Variants in TLN2 observed in about 807,000 individuals in gnomAD.
TLN2 encodes the protein talin-2.
In TLN2, 118 loss-of-function variants were observed where a neutral mutation model predicts 294.7. The observed-to-expected ratio is 0.40, with a 90% confidence interval of 0.34 to 0.47. The LOEUF (loss-of-function observed/expected upper bound fraction) is 0.47, where lower values mean the gene tolerates loss of function less well. Among genes scored for constraint, TLN2 ranks in the 20% least tolerant of loss-of-function variants. The probability of loss-of-function intolerance (pLI) is 0.84; values close to 1 mark genes in which losing one functional copy is unlikely to be tolerated. For missense variants in TLN2, 3,083 were observed against 3,282.2 expected (o/e 0.94, Z 1.48); for synonymous variants, 1,431 against 1,304.5 (o/e 1.10, Z -2.09).
intron 50 of TLN2, among the ~76,000 whole-genome samples, chr15:62,803,805 T>C (rs572920432): frequency 6.6e-6 from 1 of 152,294 alleles, no homozygotes; most frequent in South Asian, 2.1e-4. Flanking sequence ...TGGTAACTTA[T>C]TTAGTTGGTT....
At position 62,405,245 on chromosome 15, in the gene TLN2, C is replaced by T. The variant is rs572694517; in HGVS notation, c.-238+14560C>T. On this transcript the variant is annotated intron_variant, in intron 1 of 58. Coordinates refer to ENST00000636159, the MANE Select transcript of TLN2 (RefSeq NM_015059.3). ...GGAAGCTTATTAAAACTGCTAGTTC[C>T]GAAACCCCACCTGACTCACTAAACT... Among the ~76,000 whole-genome samples the T allele has an allele frequency of 3.5e-4, 53 of 152,216 alleles. 1 individual carries two copies. The South Asian group carries it at 7.7e-3, about 22-fold the overall frequency.
At position 62,414,188 on chromosome 15, in the gene TLN2, A is replaced by ATC. The variant is rs1280039428; in HGVS notation, c.-238+23504_-238+23505insCT. On this transcript the variant is annotated intron_variant, in intron 1 of 58. Transcript: ENST00000636159. ...ACTATATATATATATATATATATATATATAATTTGAGAAATTAAATCCTTT... is the reference window on the plus strand; with the variant it reads ...ACTATATATATATATATATATATATATCTATAATTTGAGAAATTAAATCCTTT... Among the ~76,000 whole-genome samples, 5 of 126,496 alleles carry ATC rather than the reference A, an allele frequency of 4.0e-5. 1 individual carries two copies. The highest frequency in any genetic ancestry group is 4.9e-5 in the Non-Finnish European group (3 of 61,538). The allele number at this position is 126,496 out of a possible 152,430, so 83.0% of individuals were successfully genotyped here. A position where few individuals can be genotyped will look rare whatever the true frequency, so the allele number is the denominator to read the frequency against.
At chr15:62,546,114 A>C (rs1033671118) in intron 1 of TLN2, among the ~76,000 whole-genome samples, 2 of 152,188 alleles carry the variant, frequency 1.3e-5, no homozygotes, top group African/African-American at 4.8e-5. Context: ...GCTTTGACAC[A>C]GTGAGGCTGG....
chr15:62,568,507 T>C (rs2043599500), intron 1 of TLN2, among the ~76,000 whole-genome samples: 1 of 152,200 alleles, frequency 6.6e-6, no homozygotes, highest in African/African-American at 2.4e-5. Context: ...TCACAAGTAG[T>C]CCTCTTCAGA....
intron 9 of TLN2, among the ~76,000 whole-genome samples, chr15:62,669,184 A>T (rs1344980249): frequency 4.6e-5 from 7 of 152,204 alleles, no homozygotes; most frequent in Non-Finnish European, 1.0e-4. Flanking sequence ...GTCATTTGAT[A>T]CATTTTACAA....
chr15:62,670,234 CA>C (rs1437089435), intron 9 of TLN2, among the ~76,000 whole-genome samples: 12 of 152,316 alleles, frequency 7.9e-5, no homozygotes, highest in African/African-American at 2.9e-4. Context: ...TAGAGGCTGG[CA>C]GCAACGGTTC....
chr15:62,656,382 G>A (rs968706504), intron 8 of TLN2, among the ~76,000 whole-genome samples: 4 of 152,124 alleles, frequency 2.6e-5, no homozygotes, highest in African/African-American at 9.7e-5. Flanking sequence ...CACTTAACTG[G>A]CTCACCATTT....
intron 1 of TLN2, among the ~76,000 whole-genome samples, chr15:62,459,834 GAGCCAAAGCTT>G (rs2036692624): frequency 1.3e-5 from 2 of 151,996 alleles, no homozygotes; most frequent in South Asian, 4.1e-4. Flanking sequence ...GCTTTGGGGT[GAGCCAAAGCTT>G]AGCCAAAGCG....
intron 1 of TLN2, among the ~76,000 whole-genome samples, chr15:62,402,306 G>A (rs528647461): frequency 1.8e-4 from 27 of 152,122 alleles, no homozygotes; most frequent in African/African-American, 5.3e-4. Context: ...ACTGATAACC[G>A]CACCTCCAGC....
intron 1 of TLN2, among the ~76,000 whole-genome samples, chr15:62,468,951 C>G (rs953357560): frequency 1.3e-5 from 2 of 152,122 alleles, no homozygotes; most frequent in Non-Finnish European, 2.9e-5. Context: ...ACAGCAATTG[C>G]CCAGAAAACG....
chr15:62,589,757 T>C lies in TLN2; in HGVS notation c.-167T>C, dbSNP rs1001563400. The C allele has an allele frequency of 3.3e-5, 5 of 152,228 alleles. No individual in the cohort carries two copies. The highest frequency in any genetic ancestry group is 1.2e-4 in the African/African-American group (5 of 41,462). 9.4% of individuals were successfully genotyped at this position (152,228 alleles called of 1,614,324 possible). A position where few individuals can be genotyped will look rare whatever the true frequency, so the allele number is the denominator to read the frequency against. On this transcript the variant is annotated 5_prime_UTR_variant, in exon 2 of 59. Coordinates refer to ENST00000636159, the MANE Select transcript of TLN2 (RefSeq NM_015059.3). ...ATACGCTCTTAATAGAAACTGAGAA[T>C]TTAAGGTAAGTCCTTTCGCAAAGAT...
Position 62,400,880 on chromosome 15 carries a change from A to G in TLN2, c.-238+10195A>G, listed in dbSNP as rs530741359. The stretch of plus-strand genomic sequence containing the variant: ...ACCCAGGCTGGAGTGCAGTGGTGCA[A>G]TCTGGGCTCACTGCAGCCTCTGCTT... On this transcript the variant is annotated intron_variant, in intron 1 of 58. Coordinates refer to ENST00000636159, the MANE Select transcript of TLN2 (RefSeq NM_015059.3). Among the ~76,000 whole-genome samples the G allele has an allele frequency of 2.6e-4, 39 of 148,782 alleles. No individual in the cohort carries two copies. The South Asian group carries it at 3.9e-3, about 15-fold the overall frequency.
intron 1 of TLN2, among the ~76,000 whole-genome samples, chr15:62,562,937 C>CACAG (rs1218187009): frequency 2.7e-5 from 4 of 148,614 alleles, no homozygotes; most frequent in African/African-American, 9.9e-5. Context: ...CACACACACA[C>CACAG]ACACACACAC....
chr15:62,716,441 A>T lies in TLN2; in HGVS notation c.2745A>T (p.Lys915Asn). 5 of 1,605,790 alleles carry T rather than the reference A, an allele frequency of 3.1e-6. No homozygotes were observed. Among genetic ancestry groups the T allele is most frequent in the Non-Finnish European group, 4.2e-6 (5 of 1,176,516 alleles). Residue 915 changes from lysine to asparagine, a missense_variant, in exon 23 of 59, where the codon AAA becomes AAT. Transcript: ENST00000636159. Reference protein sequence around the residue: ...NAAAQNAIKKKIVNRLEVAAK... With the variant: ...NAAAQNAIKKNIVNRLEVAAK... ...CTGCCCAGAATGCTATTAAGAAAAA[A>T]ATTGTCAACCGACTGGAGGTAAGGA...
intron 11 of TLN2, 133 bp from the exon 12 acceptor site, chr15:62,686,508 C>G (rs1268192202): frequency 1.2e-5 from 12 of 1,022,958 alleles, no homozygotes; most frequent in East Asian, 2.6e-5. Flanking sequence ...GCCTCAAAAT[C>G]TTGGTTTCCC....
At position 62,763,553 on chromosome 15, in the gene TLN2, T is replaced by C. The variant is rs777262965; in HGVS notation, c.4962-10T>C. 6.2e-7 allele frequency: 1 copy of C among 1,601,620 alleles called. No homozygotes were observed. Among genetic ancestry groups the C allele is most frequent in the Non-Finnish European group, 8.5e-7 (1 of 1,171,046 alleles). On this transcript the variant is annotated splice_polypyrimidine_tract_variant and intron_variant, in intron 39 of 58. Coordinates refer to ENST00000636159, the MANE Select transcript of TLN2 (RefSeq NM_015059.3). ...TGGAGCCTGTGTCCAACTTGCACTA[T>C]TCCTTCCAGGGACAAGGCCCCTGGA...
chr15:62,816,124 C>T (rs2067095930), intron 52 of TLN2, among the ~76,000 whole-genome samples: 1 of 152,228 alleles, frequency 6.6e-6, no homozygotes, highest in Non-Finnish European at 1.5e-5. Flanking sequence ...AAAACCCCCG[C>T]CTGGGGAATC....
chr15:62,623,188 C>G (rs1052670093), intron 3 of TLN2, among the ~76,000 whole-genome samples: 6 of 152,160 alleles, frequency 3.9e-5, no homozygotes, highest in Non-Finnish European at 5.9e-5. Flanking sequence ...TTACTGTATC[C>G]GTATAAACAA....
chr15:62,657,827 G>A lies in TLN2; in HGVS notation c.717G>A (p.Glu239=). The change falls in exon 9 of 59, where the codon GAG becomes GAA. Residue 239 remains glutamate, a synonymous_variant. Coordinates refer to ENST00000636159, the MANE Select transcript of TLN2 (RefSeq NM_015059.3). ...CTGTCTCCTTCGAGAAAGCTTGTGAGTTTGGTGGATTTCAAGCCCAGATAC... is the reference window on the plus strand; with the variant it reads ...CTGTCTCCTTCGAGAAAGCTTGTGAATTTGGTGGATTTCAAGCCCAGATAC... ...SHPVSFEKAC[E]FGGFQAQIQF... is the part of the protein sequence containing the mutation. 1.2e-6 allele frequency: 2 copies of A among 1,613,978 alleles called. No individual in the cohort carries two copies. Among genetic ancestry groups the A allele is most frequent in the South Asian group, 1.1e-5 (1 of 91,024 alleles).
Sources: allele counts gnomAD v4.1 joint callset (sites outside exome capture counted in the v4.1 genomes callset), GRCh38; gene constraint gnomAD v4.1.1; transcripts MANE v1.5; gene names NCBI Gene and HGNC (gene_info 2026-07-23, HGNC 2026-07-21).